RABL2B: variants seen among roughly 807,000 people sequenced by gnomAD.
RABL2B encodes RAB, member of RAS oncogene family like 2B.
Under a neutral mutation model 26.7 loss-of-function variants are expected in RABL2B, and 17 were observed. The ratio of observed to expected loss-of-function variants is 0.64; its 90% CI spans 0.44 to 0.95. The LOEUF (loss-of-function observed/expected upper bound fraction) is 0.95, where lower values mean the gene tolerates loss of function less well. Among genes scored for constraint, RABL2B ranks in the 40% least tolerant of loss-of-function variants. RABL2B has a pLI of 0.00. For synonymous variants in RABL2B, 70 were observed against 103.9 expected, an observed-to-expected ratio of 0.67 and a Z score of 1.99; for missense variants, 170 against 277.2, an observed-to-expected ratio of 0.61 and a Z score of 2.75.
chr22:50,775,517 G>A (rs1159004528), intron 5 of RABL2B, among the ~76,000 whole-genome samples: 1 of 152,164 alleles, frequency 6.6e-6, no homozygotes, highest in African/African-American at 2.4e-5. Context: ...CCTCTTGGAT[G>A]CTACACCTGA....
chr22:50,782,543 G>A (rs1342660884), intron 1 of RABL2B, among the ~76,000 whole-genome samples, 196 bp from the exon 2 acceptor site: 5 of 152,134 alleles, frequency 3.3e-5, no homozygotes, highest in East Asian at 3.9e-4. Context: ...TAAGTCCTGC[G>A]CACCCCAAAT....
intron 5 of RABL2B, chr22:50,772,281 G>A (rs2084306651): frequency 1.0e-6 from 1 of 972,996 alleles, no homozygotes; most frequent in South Asian, 4.7e-5. Context: ...TGCCCGCCTA[G>A]GCCTCCCAAA....
intron 5 of RABL2B, chr22:50,772,803 T>C: frequency 8.8e-7 from 1 of 1,135,792 alleles, no homozygotes; most frequent in Non-Finnish European, 1.1e-6. Flanking sequence ...AGATGCCTTT[T>C]GTCCAGGTCT....
chr22:50,768,403 T>TGGAAA lies in RABL2B; in HGVS notation c.*368_*372dup, dbSNP rs2083678420. On this transcript the variant is annotated 3_prime_UTR_variant, in exon 9 of 9. Coordinates refer to ENST00000691320, the MANE Select transcript of RABL2B (RefSeq NM_001130919.3). Reference sequence around the variant, plus strand: ...AAGGAATTGTCCCCGAGGTGAGCTTTGGAAAGAAAACAAAAACAAAAACAA... The same window carrying TGGAAA: ...AAGGAATTGTCCCCGAGGTGAGCTTTGGAAAGGAAAGAAAACAAAAACAAAAACAA... 1 of 315,120 alleles carries TGGAAA rather than the reference T, an allele frequency of 3.2e-6. No individual in the cohort carries two copies. The highest frequency in any genetic ancestry group is 4.8e-5 in the Admixed American group (1 of 20,758). The allele number at this position is 315,120 out of a possible 1,614,324, so 19.5% of individuals were successfully genotyped here. A position where few individuals can be genotyped will look rare whatever the true frequency, so the allele number is the denominator to read the frequency against.
At chr22:50,771,024 T>C (rs150432843) in intron 5 of RABL2B, among the ~76,000 whole-genome samples, 2,178 of 150,714 alleles carry the variant, frequency 0.014, 53 homozygotes, top group African/African-American at 0.052. Flanking sequence ...TTACAAGTGT[T>C]AGCCATCACA....
intron 7 of RABL2B, 99 bp downstream of exon 7, chr22:50,769,356 G>T (rs2519479): frequency 1.2e-6 from 2 of 1,610,942 alleles, no homozygotes; most frequent in East Asian, 2.2e-5. Context: ...GCACTGTCCC[G>T]GTTCTCTCCA....
At chr22:50,771,518 C>T (rs2084178103) in intron 5 of RABL2B, 1 of 152,184 alleles carries the variant, frequency 6.6e-6, no homozygotes, top group African/African-American at 2.4e-5. Flanking sequence ...CTGCAGTGAT[C>T]TGCCTGCCTA....
At chr22:50,781,660 G>C (rs566371895) in intron 2 of RABL2B, among the ~76,000 whole-genome samples, 1 of 152,164 alleles carries the variant, frequency 6.6e-6, no homozygotes, top group Non-Finnish European at 1.5e-5. Context: ...GAACTAGGAC[G>C]TCTCATGGAG....
Position 50,768,651 on chromosome 22 carries a change from T to C in RABL2B, c.*125A>G, listed in dbSNP as rs1383260908. 8 of 1,488,024 alleles carry C rather than the reference T, an allele frequency of 5.4e-6. No homozygotes were observed. Among genetic ancestry groups the C allele is most frequent in the Non-Finnish European group, 7.2e-6 (8 of 1,114,864 alleles). 92.2% of individuals were successfully genotyped at this position (1,488,024 alleles called of 1,614,324 possible). On this transcript the variant is annotated 3_prime_UTR_variant, in exon 9 of 9. Coordinates refer to ENST00000691320, the MANE Select transcript of RABL2B (RefSeq NM_001130919.3). The stretch of plus-strand genomic sequence containing the variant: ...ACGGGCCTAGAATGTGGGAGGCTAA[T>C]AGGATGGGTGGGTTGCAGGAGGTAG...
intron 5 of RABL2B, among the ~76,000 whole-genome samples, chr22:50,770,936 C>T (rs2084062198): frequency 6.7e-6 from 1 of 148,756 alleles, no homozygotes; most frequent in African/African-American, 2.5e-5. Context: ...GAGGCAGGCT[C>T]TCCCTATGTT....
rs561797006 is a variant in RABL2B, at chr22:50,772,463, G to C, written c.298-2447C>G. On this transcript the variant is annotated intron_variant, in intron 5 of 8. Coordinates refer to ENST00000691320, the MANE Select transcript of RABL2B (RefSeq NM_001130919.3). ...CCCTTCACAGGAGCTCCTCCAAAGT[G>C]TCTAGCCCAAACTGCCCTAGTACAA... 125 of 987,034 alleles carry C rather than the reference G, an allele frequency of 1.3e-4. No homozygotes were observed. In the Middle Eastern group the frequency reaches 4.2e-3, roughly 33 times the overall value. The allele number at this position is 987,034 out of a possible 1,614,324, so 61.1% of individuals were successfully genotyped here.
intron 5 of RABL2B, among the ~76,000 whole-genome samples, chr22:50,770,912 T>TC: frequency 1.0e-5 from 1 of 96,566 alleles, no homozygotes; most frequent in East Asian, 2.2e-4. Flanking sequence ...TTTTTTTATT[T>TC]TTTTTTTTTT....
intron 2 of RABL2B, among the ~76,000 whole-genome samples, chr22:50,780,996 C>T (rs1436090629): frequency 6.6e-6 from 1 of 152,134 alleles, no homozygotes; most frequent in Non-Finnish European, 1.5e-5. Context: ...CACCTACCCT[C>T]ACTTTTACTG....
intron 5 of RABL2B, among the ~76,000 whole-genome samples, chr22:50,773,456 G>A (rs2084491062): frequency 6.6e-6 from 1 of 152,068 alleles, no homozygotes; most frequent in Admixed American, 6.5e-5. Context: ...GGGGCAGCAC[G>A]TGTGTCTTTC....
In RABL2B at chr22:50,779,541, TG is replaced by T. The variant is rs540634305; in HGVS notation, c.108-1561del. ...CACACCATGTGGCCTTAGTTTTGGG[TG>T]GGGGGGGTGTGCCTTTGCCCTCTTT... is the stretch of plus-strand genomic sequence containing the variant. On this transcript the variant is annotated intron_variant, in intron 2 of 8. Transcript: ENST00000691320. Among the ~76,000 whole-genome samples the T allele has an allele frequency of 1.6e-3, 237 of 151,036 alleles. 1 individual carries two copies. Among genetic ancestry groups the T allele is most frequent in the African/African-American group, 5.5e-3 (225 of 41,078 alleles).
chr22:50,782,393 C>T lies in RABL2B; in HGVS notation c.-53-46G>A, dbSNP rs568250874. 6.1e-6 allele frequency: 9 copies of T among 1,468,170 alleles called. No individual in the cohort carries two copies. The South Asian group carries it at 7.5e-5, about 12-fold the overall frequency. The allele number at this position is 1,468,170 out of a possible 1,614,324, so 90.9% of individuals were successfully genotyped here. A position where few individuals can be genotyped will look rare whatever the true frequency, so the allele number is the denominator to read the frequency against. On this transcript the variant is annotated intron_variant, in intron 1 of 8. Coordinates refer to ENST00000691320, the MANE Select transcript of RABL2B (RefSeq NM_001130919.3). Reference sequence around the variant, plus strand: ...GAGGCTGTTGTCAGAGATAAGTCCCCTCAACCAAATCTCCAGCTGTACCTC... The same window carrying T: ...GAGGCTGTTGTCAGAGATAAGTCCCTTCAACCAAATCTCCAGCTGTACCTC...
intron 5 of RABL2B, 44 bp from the exon 6 acceptor site, chr22:50,770,060 T>C (rs781942969): frequency 1.1e-4 from 185 of 1,612,280 alleles, no homozygotes; most frequent in Non-Finnish European, 1.5e-4. Context: ...TATGTCAATG[T>C]TTCTGCACCC....
chr22:50,771,496 C>G (rs1285092037), intron 5 of RABL2B: 1 of 151,958 alleles, frequency 6.6e-6, no homozygotes, highest in Non-Finnish European at 1.5e-5. Flanking sequence ...AGGCTGGTCT[C>G]AAACTCTTGA....
intron 2 of RABL2B, among the ~76,000 whole-genome samples, chr22:50,779,303 C>G (rs528977706): frequency 8.1e-4 from 123 of 151,094 alleles, no homozygotes; most frequent in Non-Finnish European, 1.4e-3. Context: ...AAAAACAGAG[C>G]AGGCCTACCT....
Sources: allele counts gnomAD v4.1 joint callset (sites outside exome capture counted in the v4.1 genomes callset), GRCh38; gene constraint gnomAD v4.1.1; transcripts MANE v1.5; gene names NCBI Gene and HGNC (gene_info 2026-07-23, HGNC 2026-07-21).